Variants in DOCK4 observed in about 807,000 individuals in gnomAD.
DOCK4 encodes dedicator of cytokinesis 4, also known as dedicator of cytokinesis protein 4.
In DOCK4, 97 loss-of-function variants were observed where a neutral mutation model predicts 268.1. The observed-to-expected ratio is 0.36, with a 90% CI of 0.31 to 0.43. The LOEUF is 0.43. Ranked by LOEUF, DOCK4 falls within the 20% of genes least tolerant of loss-of-function variation. DOCK4 has a pLI of 1.00. For synonymous variants in DOCK4, 954 were observed against 887.2 expected, an observed-to-expected ratio of 1.08 and a Z score of -1.34; for missense variants, 2,145 against 2,455.7, an observed-to-expected ratio of 0.87 and a Z score of 2.67.
In DOCK4 at chr7:111,871,995, T is replaced by C; in HGVS notation, c.2022A>G (p.Ala674=). 3 of 1,552,246 alleles carry C rather than the reference T, an allele frequency of 1.9e-6. No homozygotes were observed. The highest frequency in any genetic ancestry group is 1.7e-6 in the Non-Finnish European group (2 of 1,147,528). The change falls in exon 20 of 53, where the codon GCA becomes GCG. Residue 674 remains alanine, a synonymous_variant. Coordinates refer to ENST00000428084, the MANE Select transcript of DOCK4 (RefSeq NM_001363540.2). ...TACAAGATACAGGGCCTTACCTGTA[T>C]GCAAGTGCCCCAGCAAAATGACTCT... is the stretch of plus-strand genomic sequence containing the variant. The part of the protein sequence containing the change: ...YIESHFAGAL[A]YRDLIKVLKW...
At chr7:111,740,971 G>A in intron 47 of DOCK4, 123 bp downstream of exon 47, 9 of 1,182,864 alleles carry the variant, frequency 7.6e-6, no homozygotes, top group Non-Finnish European at 1.1e-5. Flanking sequence ...GTGTTTAAAG[G>A]TTTGTCCTTA....
chr7:112,171,308 G>C (rs11535293), intron 1 of DOCK4, among the ~76,000 whole-genome samples: 15,296 of 152,124 alleles, frequency 0.1, 955 homozygotes, highest in South Asian at 0.14. Flanking sequence ...TCACAGAATA[G>C]ACTGGCTATT....
intron 5 of DOCK4, among the ~76,000 whole-genome samples, chr7:111,989,924 G>A (rs1043036335): frequency 2.5e-4 from 38 of 152,160 alleles, no homozygotes; most frequent in Admixed American, 2.2e-3. Flanking sequence ...ATGGATTAGT[G>A]GTAGCAACTG....
At chr7:112,159,817 T>C (rs1010065808) in intron 1 of DOCK4, among the ~76,000 whole-genome samples, 2 of 148,990 alleles carry the variant, frequency 1.3e-5, no homozygotes, top group Non-Finnish European at 3.0e-5. Context: ...TGTATAATAA[T>C]ACATAATATT....
At chr7:112,040,799 G>C (rs1271029261) in intron 1 of DOCK4, among the ~76,000 whole-genome samples, 2 of 152,126 alleles carry the variant, frequency 1.3e-5, no homozygotes, top group African/African-American at 4.8e-5. Flanking sequence ...AATAGTTCAT[G>C]CAGTATTACT....
intron 1 of DOCK4, among the ~76,000 whole-genome samples, chr7:112,010,396 T>G (rs1801194816): frequency 6.6e-6 from 1 of 152,228 alleles, no homozygotes; most frequent in Admixed American, 6.5e-5. Flanking sequence ...CTTTATTCCC[T>G]TCAGTTTTTT....
At chr7:111,738,637 T>TATCA (rs1346462734) in intron 49 of DOCK4, among the ~76,000 whole-genome samples, 1 of 152,210 alleles carries the variant, frequency 6.6e-6, no homozygotes, top group Non-Finnish European at 1.5e-5. Flanking sequence ...CATGTGTCCC[T>TATCA]ATCAGAAATA....
chr7:111,992,288 G>A (rs749972106), intron 5 of DOCK4, among the ~76,000 whole-genome samples: 8 of 152,092 alleles, frequency 5.3e-5, no homozygotes, highest in Non-Finnish European at 1.2e-4. Context: ...GAAGCTAGGT[G>A]CCTTAAAACT....
chr7:111,878,207 A>C (rs1807073043), intron 16 of DOCK4, among the ~76,000 whole-genome samples: 2 of 152,194 alleles, frequency 1.3e-5, no homozygotes, highest in South Asian at 4.1e-4. Context: ...ATTAAACAAC[A>C]CTTAAGAAAT....
chr7:111,770,407 C>T (rs1798062059), intron 36 of DOCK4, among the ~76,000 whole-genome samples: 1 of 151,560 alleles, frequency 6.6e-6, no homozygotes, highest in Admixed American at 6.6e-5. Context: ...CCCCACAAAT[C>T]TTCTGTAAAG....
chr7:111,762,757 G>GT (rs1797499588), intron 39 of DOCK4, among the ~76,000 whole-genome samples: 1 of 55,012 alleles, frequency 1.8e-5, no homozygotes, highest in South Asian at 7.0e-4. Context: ...ATTTTGTTTT[G>GT]TTTTCTTTTT....
Position 111,783,936 on chromosome 7 carries a change from C to G in DOCK4, c.3445G>C (p.Glu1149Gln). The G allele has an allele frequency of 6.2e-7, 1 of 1,605,136 alleles. No homozygotes were observed. Among genetic ancestry groups the G allele is most frequent in the Non-Finnish European group, 8.5e-7 (1 of 1,175,642 alleles). Residue 1149 changes from glutamate to glutamine, a missense_variant, in exon 34 of 53, where the codon GAG becomes CAG. Physicochemically the swap from Glu to Gln is conservative, Grantham distance 29 (BLOSUM62 2). This residue lies in a region of DOCK4 where 1,598 missense variants were observed against 1,986.7 expected (regional missense o/e 0.80). Transcript: ENST00000428084. The part of the protein sequence containing the change: ...GPYPSLLKKI[E>Q]RETWRESGVS... ...CCACTTTCCCGCCATGTTTCCCGCT[C>G]AATTTTCTTTAGTAGACTGGAAAAG...
chr7:111,757,840 C>A (rs543053349), intron 41 of DOCK4, among the ~76,000 whole-genome samples: 1 of 152,032 alleles, frequency 6.6e-6, no homozygotes, highest in Non-Finnish European at 1.5e-5. Context: ...AATTAACTCA[C>A]AAAAATAAGC....
intron 1 of DOCK4, among the ~76,000 whole-genome samples, chr7:112,146,553 G>A (rs541901825): frequency 5.3e-5 from 8 of 152,216 alleles, no homozygotes; most frequent in East Asian, 1.9e-4. Context: ...GCAATGTGGC[G>A]AAACCTCATC....
chr7:111,974,475 T>G (rs1162623436), intron 8 of DOCK4, among the ~76,000 whole-genome samples: 1 of 143,646 alleles, frequency 7.0e-6, no homozygotes. Flanking sequence ...ACAGATCAGG[T>G]GGCATATTGA....
At chr7:112,141,838 C>G (rs903345894) in intron 1 of DOCK4, among the ~76,000 whole-genome samples, 4 of 152,164 alleles carry the variant, frequency 2.6e-5, no homozygotes, top group Non-Finnish European at 5.9e-5. Context: ...CTACACTGAA[C>G]TGGGGACACT....
In DOCK4 at chr7:111,872,582, G is replaced by T. The variant is rs530812085; in HGVS notation, c.1745-18C>A. 1 of 1,559,776 alleles carries T rather than the reference G, an allele frequency of 6.4e-7. No individual in the cohort carries two copies. Among genetic ancestry groups the T allele is most frequent in the South Asian group, 1.2e-5 (1 of 83,456 alleles). ...CATATCACCTTTCAAAATAGAAAAG[G>T]AAGATTAATTGCCTTAATAGAGAAC... On this transcript the variant is annotated intron_variant, in intron 17 of 52. Transcript: ENST00000428084.
At chr7:111,850,524 C>A (rs1456529112) in intron 23 of DOCK4, among the ~76,000 whole-genome samples, 5 of 152,056 alleles carry the variant, frequency 3.3e-5, no homozygotes, top group African/African-American at 9.7e-5. Context: ...ACCCATCATA[C>A]CCCCTGTGAC....
chr7:111,818,968 T>A (rs985051877), intron 27 of DOCK4, among the ~76,000 whole-genome samples: 3 of 152,256 alleles, frequency 2.0e-5, no homozygotes, highest in Non-Finnish European at 4.4e-5. Flanking sequence ...GTCTTTATAG[T>A]ACTTATTTTA....
Sources: gnomAD v4.1 joint callset for allele counts (sites outside exome capture counted in the v4.1 genomes callset) on GRCh38, gnomAD v4.1.1 for gene constraint, gnomAD v4.1.1 regional missense constraint, MANE v1.5 for transcripts, NCBI Gene and HGNC (gene_info 2026-07-23, HGNC 2026-07-21) for gene names.